DGKG: variants seen among roughly 807,000 people sequenced by gnomAD.
The protein encoded by DGKG is DAG kinase gamma.
In DGKG, 78 loss-of-function variants were observed where a neutral mutation model predicts 105.3. That is an observed-to-expected ratio of 0.74 (90% CI 0.62 to 0.89). The LOEUF is 0.89. Ranked by LOEUF, DGKG falls within the 40% of genes least tolerant of loss-of-function variation. The pLI is 0.00. For missense variants in DGKG, 958 were observed against 1,020.1 expected, an observed-to-expected ratio of 0.94 and a Z score of 0.83; for synonymous variants, 346 against 367.1, an observed-to-expected ratio of 0.94 and a Z score of 0.66.
chr3:186,253,121 G>A lies in DGKG; in HGVS notation c.1572C>T (p.Asp524=). 3 of 1,614,204 alleles carry A rather than the reference G, an allele frequency of 1.9e-6. No homozygotes were observed. The highest frequency in any genetic ancestry group is 1.1e-5 in the South Asian group (1 of 91,086). ...VAVLPLGTGN[D]LARCLRWGGG... is the part of the protein sequence containing the mutation. ...CTCCCCAGCGGAGACAACGGGCAAG[G>A]TCATTTCCTGTTCCAAGAGGCAGGA... Residue 524 remains aspartate, a synonymous_variant, in exon 18 of 25, where the codon GAC becomes GAT. Coordinates refer to ENST00000265022, the MANE Select transcript of DGKG (RefSeq NM_001346.3).
rs557685500 is a variant in DGKG, at chr3:186,164,176, A to T, written c.2216+722T>A. 1.4e-4 allele frequency among the ~76,000 whole-genome samples: 21 copies of T among 152,346 alleles called. No individual in the cohort carries two copies. The East Asian group carries it at 3.9e-3, about 28-fold the overall frequency. On this transcript the variant is annotated intron_variant, in intron 23 of 24. Coordinates refer to ENST00000265022, the MANE Select transcript of DGKG (RefSeq NM_001346.3). ...CCAGTATCCTGTGGACTCCTCTCGG[A>T]GATCCCCAAGGCATGTTAATAGATT...
At chr3:186,270,098 G>C (rs79534393) in intron 11 of DGKG, among the ~76,000 whole-genome samples, 1 of 151,508 alleles carries the variant, frequency 6.6e-6, no homozygotes, top group Non-Finnish European at 1.5e-5. Flanking sequence ...AAATATCTGC[G>C]TGATTCTGTC....
At chr3:186,219,557 T>C (rs531912438) in intron 20 of DGKG, among the ~76,000 whole-genome samples, 1 of 152,148 alleles carries the variant, frequency 6.6e-6, no homozygotes, top group African/African-American at 2.4e-5. Context: ...TTGTGTTGGC[T>C]CGATGTGTTT....
chr3:186,266,785 A>G (rs1411482266), intron 13 of DGKG, among the ~76,000 whole-genome samples: 1 of 152,004 alleles, frequency 6.6e-6, no homozygotes, highest in East Asian at 1.9e-4. Flanking sequence ...TTTAGTAGAG[A>G]TGGGGTTTCA....
At chr3:186,242,477 G>A (rs1335962130) in intron 20 of DGKG, 27 bp downstream of exon 20, 6 of 1,599,212 alleles carry the variant, frequency 3.8e-6, no homozygotes, top group Non-Finnish European at 5.1e-6. Flanking sequence ...CTGGGTGGGT[G>A]GCAGCGCAGC....
intron 2 of DGKG, among the ~76,000 whole-genome samples, chr3:186,319,047 A>G (rs1473650714): frequency 6.6e-6 from 1 of 152,164 alleles, no homozygotes; most frequent in African/African-American, 2.4e-5. Context: ...TTCATCCCTG[A>G]CAGGGCTTGG....
intron 18 of DGKG, among the ~76,000 whole-genome samples, chr3:186,252,706 G>T (rs1303528485): frequency 6.6e-6 from 1 of 152,198 alleles, no homozygotes; most frequent in Non-Finnish European, 1.5e-5. Flanking sequence ...AGCCATTTGT[G>T]GGAGAGGGAA....
intron 10 of DGKG, among the ~76,000 whole-genome samples, chr3:186,273,367 CTTTT>C (rs375667915): frequency 2.3e-5 from 2 of 85,598 alleles, no homozygotes; most frequent in African/African-American, 3.9e-5. Flanking sequence ...TGTTGTACCC[CTTTT>C]TTTTTTTTTT....
At chr3:186,360,476 T>C (rs1727176230) in intron 1 of DGKG, among the ~76,000 whole-genome samples, 1 of 152,096 alleles carries the variant, frequency 6.6e-6, no homozygotes, top group Non-Finnish European at 1.5e-5. Context: ...AGGAGTATAA[T>C]TCATATTCGG....
At chr3:186,217,648 T>C (rs1161998322) in intron 20 of DGKG, among the ~76,000 whole-genome samples, 1 of 152,230 alleles carries the variant, frequency 6.6e-6, no homozygotes, top group Non-Finnish European at 1.5e-5. Context: ...AGGGCTGAAA[T>C]CCATCATCCT....
intron 9 of DGKG, 83 bp from the exon 10 acceptor site, chr3:186,275,747 C>T: frequency 1.2e-6 from 1 of 860,444 alleles, no homozygotes; most frequent in South Asian, 1.8e-5. Context: ...CATGTTCTTC[C>T]TTTTCATCTC....
intron 9 of DGKG, 112 bp downstream of exon 9, chr3:186,279,739 G>T: frequency 7.8e-7 from 1 of 1,280,404 alleles, no homozygotes; most frequent in Non-Finnish European, 1.1e-6. Flanking sequence ...GCTGGTCATG[G>T]CACGTCTGTT....
intron 1 of DGKG, among the ~76,000 whole-genome samples, chr3:186,351,469 C>A (rs747548957): frequency 6.6e-6 from 1 of 152,106 alleles, no homozygotes; most frequent in Admixed American, 6.5e-5. Flanking sequence ...GAGGAGAGAG[C>A]CTTAGGATCC....
At position 186,161,593 on chromosome 3, in the gene DGKG, C is replaced by T; in HGVS notation, c.2277+10G>A. 6.2e-7 allele frequency: 1 copy of T among 1,614,158 alleles called. No individual in the cohort carries two copies. Among genetic ancestry groups the T allele is most frequent in the Non-Finnish European group, 8.5e-7 (1 of 1,180,024 alleles). ...TTCTCATCCCCATCTCAAAGATTGGCAAGACTCACCGTGCAACATGGCTGC... is the reference window on the plus strand; with the variant it reads ...TTCTCATCCCCATCTCAAAGATTGGTAAGACTCACCGTGCAACATGGCTGC... On this transcript the variant is annotated intron_variant, in intron 24 of 24. Transcript: ENST00000265022.
chr3:186,324,478 A>T (rs1725238248), intron 1 of DGKG, among the ~76,000 whole-genome samples: 1 of 152,082 alleles, frequency 6.6e-6, no homozygotes, highest in South Asian at 2.1e-4. Context: ...ATCCAGTTGC[A>T]AATACAACAT....
chr3:186,173,952 G>A (rs1716948854), intron 22 of DGKG, among the ~76,000 whole-genome samples: 1 of 152,184 alleles, frequency 6.6e-6, no homozygotes, highest in South Asian at 2.1e-4. Context: ...AATACTCTGT[G>A]ATTAATGCTT....
At chr3:186,317,768 C>T (rs1002624656) in intron 2 of DGKG, among the ~76,000 whole-genome samples, 3 of 152,186 alleles carry the variant, frequency 2.0e-5, no homozygotes, top group Non-Finnish European at 2.9e-5. Context: ...TACTGCAGCA[C>T]CCGTGCTTGA....
intron 17 of DGKG, among the ~76,000 whole-genome samples, 181 bp from the exon 18 acceptor site, chr3:186,253,363 C>G (rs1158769723): frequency 6.6e-6 from 1 of 152,194 alleles, no homozygotes; most frequent in Non-Finnish European, 1.5e-5. Context: ...GTGTTAACCA[C>G]CACTAATTGA....
intron 22 of DGKG, among the ~76,000 whole-genome samples, chr3:186,175,341 G>A (rs1717021708): frequency 1.3e-5 from 2 of 152,204 alleles, no homozygotes; most frequent in South Asian, 2.1e-4. Context: ...AATGGCCATT[G>A]TTGTTGGTTC....
Sources: allele counts gnomAD v4.1 joint callset (sites outside exome capture counted in the v4.1 genomes callset), GRCh38; gene constraint gnomAD v4.1.1; transcripts MANE v1.5; gene names NCBI Gene and HGNC (gene_info 2026-07-23, HGNC 2026-07-21).